The following FAM193A variants were observed in gnomAD, a reference collection of about 807,000 sequenced individuals.
FAM193A encodes protein FAM193A.
In FAM193A, 22 loss-of-function variants were observed where a neutral mutation model predicts 126.5. That is an observed-to-expected ratio of 0.17 (90% CI 0.12 to 0.25). The LOEUF (loss-of-function observed/expected upper bound fraction) is 0.25. Ranked by LOEUF, FAM193A falls within the 10% of genes least tolerant of loss-of-function variation. The pLI is 1.00. For synonymous variants in FAM193A, 761 were observed against 646.8 expected (o/e 1.18, Z -2.68); for missense variants, 1,675 against 1,672.8 (o/e 1.00, Z -0.02).
rs1239887538 is a variant in FAM193A, at chr4:2,625,302, A to C, written c.542A>C (p.Gln181Pro). 1 of 703,034 alleles carries C rather than the reference A, an allele frequency of 1.4e-6. No homozygotes were observed. The highest frequency in any genetic ancestry group is 2.7e-5 in the East Asian group (1 of 37,284). The allele number at this position is 703,034 out of a possible 1,614,324, so 43.5% of individuals were successfully genotyped here. A position where few individuals can be genotyped will look rare whatever the true frequency, so the allele number is the denominator to read the frequency against. ...CTTCACTCCTCGCTTGGTGGCTCCCAGCCAGAGGCCGGCAGTGGTGGGAGG... is the reference window on the plus strand; with the variant it reads ...CTTCACTCCTCGCTTGGTGGCTCCCCGCCAGAGGCCGGCAGTGGTGGGAGG... Reference protein sequence around the residue: ...FLLHSSLGGSQPEAGSGGRLA... With the variant: ...FLLHSSLGGSPPEAGSGGRLA... Residue 181 changes from glutamine (Q) to proline (P), a missense_variant, in exon 3 of 21, where the codon CAG becomes CCG. Coordinates refer to ENST00000637812, the MANE Select transcript of FAM193A (RefSeq NM_001366318.2).
At chr4:2,655,097 A>G in intron 7 of FAM193A, 1 of 700,392 alleles carries the variant, frequency 1.4e-6, no homozygotes, top group Non-Finnish European at 2.6e-6. Flanking sequence ...TGATACTGGC[A>G]CCCTTGTCCA....
chr4:2,617,240 TTATA>T (rs1553895142), intron 2 of FAM193A, among the ~76,000 whole-genome samples: 17 of 35,242 alleles, frequency 4.8e-4, no homozygotes, highest in Middle Eastern at 0.025. Flanking sequence ...TATGTTTTTA[TTATA>T]TATATATATA....
intron 13 of FAM193A, 96 bp downstream of exon 13, chr4:2,672,468 CATAGGATA>C: frequency 7.6e-7 from 1 of 1,311,846 alleles, no homozygotes; most frequent in Non-Finnish European, 1.1e-6. Flanking sequence ...TAGCAACTTG[CATAGGATA>C]GCATCTGCTC....
chr4:2,600,839 G>A (rs1017736675), intron 2 of FAM193A, among the ~76,000 whole-genome samples: 3 of 152,174 alleles, frequency 2.0e-5, no homozygotes, highest in African/African-American at 7.2e-5. Context: ...TGAATGACCC[G>A]CCTTTGGCCT....
chr4:2,620,479 G>A (rs896875016), intron 2 of FAM193A, among the ~76,000 whole-genome samples: 10 of 152,254 alleles, frequency 6.6e-5, no homozygotes, highest in Middle Eastern at 6.8e-3. Context: ...GGGTGTTTAG[G>A]TTGATGGGTA....
chr4:2,672,320 G>T lies in FAM193A; in HGVS notation c.2279G>T (p.Arg760Leu), dbSNP rs372896676. ...VPLHTVPHLP[R>L]PLIHPTLYAT... ...TTGCACACTGTTCCACACCTGCCAC[G>T]CCCTCTCATCCACCCCACCTTGTAT... Residue 760 changes from arginine to leucine, a missense_variant, in exon 13 of 21, where the codon CGC becomes CTC. Arg to Leu is a moderately radical substitution (Grantham distance 102). This residue lies in a region of FAM193A where 1,186 missense variants were observed against 1,109.2 expected (regional missense o/e 1.07). Coordinates refer to ENST00000637812, the MANE Select transcript of FAM193A (RefSeq NM_001366318.2). 1.2e-6 allele frequency: 2 copies of T among 1,613,960 alleles called. No individual in the cohort carries two copies. The highest frequency in any genetic ancestry group is 1.7e-6 in the Non-Finnish European group (2 of 1,179,994).
At chr4:2,624,212 T>G (rs1302518150) in intron 2 of FAM193A, among the ~76,000 whole-genome samples, 1 of 152,160 alleles carries the variant, frequency 6.6e-6, no homozygotes, top group African/African-American at 2.4e-5. Context: ...AGTCTCGGTC[T>G]GTTTCTCAGG....
At position 2,556,787 on chromosome 4, in the gene FAM193A, C is replaced by T. The variant is rs1382041492; in HGVS notation, c.255+19617C>T. ...TTTCTTGAGGAAATTGACTTTTTCC[C>T]TTACGTAAGTTAATAGAGGGTGATG... On this transcript the variant is annotated intron_variant, in intron 1 of 20. Coordinates refer to ENST00000637812, the MANE Select transcript of FAM193A (RefSeq NM_001366318.2). Among the ~76,000 whole-genome samples, 3 of 152,236 alleles carry T rather than the reference C, an allele frequency of 2.0e-5. No individual in the cohort carries two copies. In the East Asian group the frequency reaches 5.8e-4, roughly 29 times the overall value.
chr4:2,569,717 C>T (rs1274824351), intron 1 of FAM193A, among the ~76,000 whole-genome samples: 2 of 151,960 alleles, frequency 1.3e-5, no homozygotes, highest in African/African-American at 4.8e-5. Flanking sequence ...GTTGCCCAGG[C>T]TGGTCTTGAA....
rs1183282591 is a variant in FAM193A, at chr4:2,659,667, G to T, written c.1499G>T (p.Arg500Ile). Residue 500 changes from arginine (R) to isoleucine (I), a missense_variant, in exon 9 of 21, where the codon AGA (arginine) becomes ATA (isoleucine). Coordinates refer to ENST00000637812, the MANE Select transcript of FAM193A (RefSeq NM_001366318.2). ...GACTGCCCCAACTGCAACTACAGGA[G>T]AAGGTAAGGCTGGGTTGTGGTGTCA... ...MPDCPNCNYR[R>I]RCACDDCSLS... 1.9e-6 allele frequency: 3 copies of T among 1,613,824 alleles called. No homozygotes were observed. The highest frequency in any genetic ancestry group is 2.5e-6 in the Non-Finnish European group (3 of 1,179,808).
At chr4:2,730,076 CT>C (rs1207753482) in intron 20 of FAM193A, among the ~76,000 whole-genome samples, 1 of 152,034 alleles carries the variant, frequency 6.6e-6, no homozygotes, top group Non-Finnish European at 1.5e-5. Flanking sequence ...TCCTGGCTAA[CT>C]TTTTACTTTT....
At position 2,662,986 on chromosome 4, in the gene FAM193A, G is replaced by C. The variant is rs1163636253; in HGVS notation, c.1894G>C (p.Asp632His). ...NGGGENMALK[D>H]ESPQISSTSS... ...TGGCGGGGAAAACATGGCCCTGAAG[G>C]ATGAGGTATGGACATGGCTTCTTCG... The change falls in exon 11 of 21, where the codon GAT (aspartate) becomes CAT (histidine). Residue 632 changes from aspartate to histidine, a missense_variant. This residue lies in a region of FAM193A where 1,186 missense variants were observed against 1,109.2 expected (regional missense o/e 1.07). Coordinates refer to ENST00000637812, the MANE Select transcript of FAM193A (RefSeq NM_001366318.2). 1 of 1,612,362 alleles carries C rather than the reference G, an allele frequency of 6.2e-7. No homozygotes were observed. The highest frequency in any genetic ancestry group is 8.5e-7 in the Non-Finnish European group (1 of 1,178,458).
intron 13 of FAM193A, among the ~76,000 whole-genome samples, chr4:2,684,928 G>T (rs1715562774): frequency 6.6e-6 from 1 of 152,216 alleles, no homozygotes; most frequent in African/African-American, 2.4e-5. Flanking sequence ...AGCCGAGCAG[G>T]TGCGGCTGCA....
Position 2,555,229 on chromosome 4 carries a change from A to G in FAM193A, c.255+18059A>G, listed in dbSNP as rs184738536. Among the ~76,000 whole-genome samples the G allele has an allele frequency of 3.3e-5, 5 of 152,224 alleles. No individual in the cohort carries two copies. In the East Asian group the frequency reaches 5.8e-4, roughly 18 times the overall value. ...TTACATGAACATGGTGACACAAGCC[A>G]TCTTCATTTTAGAGTTTGACCAGTA... On this transcript the variant is annotated intron_variant, in intron 1 of 20. Transcript: ENST00000637812.
intron 3 of FAM193A, 44 bp downstream of exon 3, chr4:2,625,439 A>G: frequency 1.5e-6 from 1 of 674,962 alleles, no homozygotes; most frequent in Non-Finnish European, 2.7e-6. Context: ...GTCCACAATG[A>G]CATGCAGACC....
intron 20 of FAM193A, among the ~76,000 whole-genome samples, chr4:2,726,950 CAAAAAAAA>C (rs35697253): frequency 1.9e-5 from 2 of 104,054 alleles, no homozygotes; most frequent in African/African-American, 6.8e-5. Context: ...AACTCCGTCC[CAAAAAAAA>C]AAAAAAAAAA....
chr4:2,621,040 G>T (rs1742517742), intron 2 of FAM193A, among the ~76,000 whole-genome samples: 1 of 152,044 alleles, frequency 6.6e-6, no homozygotes, highest in South Asian at 2.1e-4. Flanking sequence ...CTGGGTAGCA[G>T]AGAGGCTCCC....
intron 5 of FAM193A, among the ~76,000 whole-genome samples, chr4:2,633,107 G>C (rs1743755667): frequency 6.6e-6 from 1 of 152,162 alleles, no homozygotes; most frequent in South Asian, 2.1e-4. Flanking sequence ...ATAATTTCTT[G>C]TGGCTTGAGG....
At chr4:2,695,367 A>G (rs1221613757) in intron 17 of FAM193A, among the ~76,000 whole-genome samples, 1 of 152,180 alleles carries the variant, frequency 6.6e-6, no homozygotes, top group Non-Finnish European at 1.5e-5. Context: ...TTCCTACTGA[A>G]TACCCATTGG....
Sources: allele counts gnomAD v4.1 joint callset (sites outside exome capture counted in the v4.1 genomes callset), GRCh38; gene constraint gnomAD v4.1.1; regional missense constraint gnomAD v4.1.1; transcripts MANE v1.5; gene names NCBI Gene and HGNC (gene_info 2026-07-23, HGNC 2026-07-21).